The following GDA variants were observed in gnomAD, a reference collection of about 807,000 sequenced individuals.
GDA encodes guanine deaminase.
GDA carries 18 observed loss-of-function variants against 59.6 expected under a neutral mutation model. That is an observed-to-expected ratio of 0.30 (90% CI 0.21 to 0.45). The LOEUF is 0.45. Ranked by LOEUF, GDA falls within the 20% of genes least tolerant of loss-of-function variation. The probability of loss-of-function intolerance (pLI) is 1.00; values close to 1 mark genes in which losing one functional copy is unlikely to be tolerated. For synonymous variants in GDA, 201 were observed against 201.1 expected (o/e 1.00, Z 0.00); for missense variants, 427 against 552.3 (o/e 0.77, Z 2.27).
At chr9:72,255,717 T>C (rs1286710555), downstream of GDA, among the ~76,000 whole-genome samples, 1 of 152,178 alleles carries the variant, frequency 6.6e-6, no homozygotes, top group African/African-American at 2.4e-5. Context: ...TGGCATGCTA[T>C]CCATCCCGTA....
At chr9:72,152,279 C>G (rs1245519712) in intron 1 of GDA, among the ~76,000 whole-genome samples, 1 of 152,122 alleles carries the variant, frequency 6.6e-6, no homozygotes, top group Non-Finnish European at 1.5e-5. Context: ...AAACTTTATT[C>G]CTTATTTTGT....
intron 1 of GDA, among the ~76,000 whole-genome samples, chr9:72,141,412 GTT>G (rs1826435966): frequency 6.6e-6 from 1 of 152,008 alleles, no homozygotes; most frequent in Non-Finnish European, 1.5e-5. Flanking sequence ...TTTCAAATAA[GTT>G]TAATTTTACC....
At chr9:72,130,162 C>G (rs4745165) in intron 1 of GDA, among the ~76,000 whole-genome samples, 70,764 of 152,062 alleles carry the variant, frequency 0.47, 18,306 homozygotes, top group Non-Finnish European at 0.58. Context: ...ATTAGGAGGT[C>G]ATCACCTTTC....
intron 1 of GDA, among the ~76,000 whole-genome samples, chr9:72,131,719 G>A (rs1223812640): frequency 6.6e-6 from 1 of 151,974 alleles, no homozygotes; most frequent in African/African-American, 2.4e-5. Context: ...ACTCTCTTCA[G>A]GGTGTCACCC....
At chr9:72,224,566 T>C (rs1392747546) in intron 7 of GDA, among the ~76,000 whole-genome samples, 2 of 152,176 alleles carry the variant, frequency 1.3e-5, no homozygotes, top group African/African-American at 2.4e-5. Flanking sequence ...TGGATTCTTA[T>C]GGGCTGTTTC....
chr9:72,151,897 C>T (rs572987919), intron 1 of GDA, among the ~76,000 whole-genome samples: 17 of 152,284 alleles, frequency 1.1e-4, no homozygotes, highest in African/African-American at 3.1e-4. Context: ...GCCACCGCGC[C>T]GGCCAATGAT....
chr9:72,149,676 C>T lies in GDA; in HGVS notation c.117C>T (p.Ser39=). Residue 39 remains serine, a synonymous_variant, in exon 1 of 14, where the codon AGC becomes AGT. Transcript: ENST00000358399. ...ATCACCTCCTCGGCGTGAGCGACAG[C>T]GGCAAAGTAAGCAGGCGCGGGGTCG... is the stretch of plus-strand genomic sequence containing the variant. ...LRDHLLGVSD[S]GKIVFLEEAS... 1 of 1,598,964 alleles carries T rather than the reference C, an allele frequency of 6.3e-7. No homozygotes were observed.
chr9:72,243,965 G>C (rs1409308893), intron 11 of GDA, among the ~76,000 whole-genome samples: 1 of 152,084 alleles, frequency 6.6e-6, no homozygotes, highest in Non-Finnish European at 1.5e-5. Context: ...CGCGAGGTTA[G>C]GAGATCGAGA....
At chr9:72,232,122 T>G (rs1838427796) in intron 10 of GDA, among the ~76,000 whole-genome samples, 1 of 152,240 alleles carries the variant, frequency 6.6e-6, no homozygotes, top group South Asian at 2.1e-4. Context: ...TCTGTGAGGC[T>G]TCTTTTATGA....
intron 1 of GDA, among the ~76,000 whole-genome samples, chr9:72,181,309 T>G (rs750006780): frequency 2.0e-5 from 3 of 152,112 alleles, no homozygotes; most frequent in Non-Finnish European, 4.4e-5. Flanking sequence ...TTTATGCTTA[T>G]CATGTCCTTA....
At chr9:72,167,162 C>G (rs1226241072) in intron 1 of GDA, among the ~76,000 whole-genome samples, 1 of 152,122 alleles carries the variant, frequency 6.6e-6, no homozygotes, top group Admixed American at 6.6e-5. Flanking sequence ...CCAGGCCTCT[C>G]AAAAGTATCA....
intron 1 of GDA, among the ~76,000 whole-genome samples, chr9:72,134,378 G>A (rs1420140833): frequency 6.7e-6 from 1 of 148,364 alleles, no homozygotes; most frequent in Non-Finnish European, 1.5e-5. Context: ...AACCTACTGT[G>A]CTCCAGGAAG....
At chr9:72,139,076 GCATGGGCTGCTATTCCTCTTTCAAGCA>G (rs1423985527) in intron 1 of GDA, among the ~76,000 whole-genome samples, 1 of 152,128 alleles carries the variant, frequency 6.6e-6, no homozygotes, top group Non-Finnish European at 1.5e-5. Flanking sequence ...TATGGACAAG[GCATGGGCTGCTATTCCTCTTTCAAGCA>G]CTTTACCTTA....
intron 3 of GDA, among the ~76,000 whole-genome samples, chr9:72,204,971 G>A (rs1834488641): frequency 6.6e-6 from 1 of 152,186 alleles, no homozygotes; most frequent in South Asian, 2.1e-4. Flanking sequence ...AATTAGCTGG[G>A]TGTGGTGGCA....
At chr9:72,125,986 G>A (rs924459527) in intron 1 of GDA, among the ~76,000 whole-genome samples, 3 of 152,046 alleles carry the variant, frequency 2.0e-5, no homozygotes, top group Non-Finnish European at 2.9e-5. Context: ...CCATGATCTC[G>A]GCTCACTGCA....
At chr9:72,253,494 G>A (rs1317581538), downstream of GDA, 1 of 152,116 alleles carries the variant, frequency 6.6e-6, no homozygotes, top group African/African-American at 2.4e-5. Flanking sequence ...TGACAGACCT[G>A]CCATGAATCT....
chr9:72,123,329 A>G (rs566863010), intron 1 of GDA, among the ~76,000 whole-genome samples: 1 of 150,718 alleles, frequency 6.6e-6, no homozygotes, highest in East Asian at 2.0e-4. Flanking sequence ...GACTACAGGC[A>G]CCCGCCACCA....
chr9:72,221,884 T>A (rs1247422369), intron 6 of GDA, among the ~76,000 whole-genome samples: 1 of 152,226 alleles, frequency 6.6e-6, no homozygotes, highest in East Asian at 1.9e-4. Context: ...GCAAATGGCA[T>A]GATCTCATTC....
At chr9:72,173,130 A>C (rs1024666148) in intron 1 of GDA, among the ~76,000 whole-genome samples, 5 of 152,112 alleles carry the variant, frequency 3.3e-5, no homozygotes, top group African/African-American at 1.2e-4. Flanking sequence ...CTGGTCCAAA[A>C]TCAAGGTGTC....
Sources: gnomAD v4.1 joint callset for allele counts (sites outside exome capture counted in the v4.1 genomes callset) on GRCh38, gnomAD v4.1.1 for gene constraint, MANE v1.5 for transcripts, NCBI Gene and HGNC (gene_info 2026-07-23, HGNC 2026-07-21) for gene names.